LMBRD1: variants seen among roughly 807,000 people sequenced by gnomAD.
LMBRD1 encodes lysosomal cobalamin transport escort protein LMBD1.
Under a neutral mutation model 74.8 loss-of-function variants are expected in LMBRD1, and 64 were observed. That is an observed-to-expected ratio of 0.86 (90% confidence interval 0.70 to 1.05). The LOEUF (loss-of-function observed/expected upper bound fraction) is 1.05. LMBRD1 is among the 50% of genes least tolerant of loss of function. The pLI, the probability that LMBRD1 is intolerant of heterozygous loss-of-function variation, is 0.00. For synonymous variants in LMBRD1, 204 were observed against 216.3 expected, an observed-to-expected ratio of 0.94 and a Z score of 0.50; for missense variants, 652 against 645.9, an observed-to-expected ratio of 1.01 and a Z score of -0.10.
intron 5 of LMBRD1, among the ~76,000 whole-genome samples, chr6:69,748,110 A>C (rs549740443): frequency 1.3e-5 from 2 of 152,322 alleles, no homozygotes; most frequent in East Asian, 3.9e-4. Context: ...TGTGTTTATA[A>C]ATAAAGTTTT....
chr6:69,765,717 AT>A (rs1252720885), intron 3 of LMBRD1, among the ~76,000 whole-genome samples: 1 of 152,188 alleles, frequency 6.6e-6, no homozygotes, highest in Non-Finnish European at 1.5e-5. Flanking sequence ...GAAAACTGAC[AT>A]AATTGCATCT....
chr6:69,719,882 CT>C (rs1471310395), intron 7 of LMBRD1, among the ~76,000 whole-genome samples: 2 of 152,084 alleles, frequency 1.3e-5, no homozygotes, highest in East Asian at 1.9e-4. Flanking sequence ...CCCGTGCCCC[CT>C]GTTAGATGGG....
intron 9 of LMBRD1, among the ~76,000 whole-genome samples, chr6:69,711,118 G>A (rs1263004249): frequency 1.3e-5 from 2 of 151,968 alleles, no homozygotes; most frequent in East Asian, 3.9e-4. Context: ...TAATACCACC[G>A]AACAATAAAA....
intron 2 of LMBRD1, among the ~76,000 whole-genome samples, chr6:69,789,266 G>A (rs950885693): frequency 5.3e-5 from 8 of 152,142 alleles, no homozygotes; most frequent in African/African-American, 1.9e-4. Context: ...GCTCATGCCT[G>A]CAATCCCAGC....
At chr6:69,777,931 T>C (rs1048705449) in intron 3 of LMBRD1, among the ~76,000 whole-genome samples, 2 of 152,232 alleles carry the variant, frequency 1.3e-5, no homozygotes, top group African/African-American at 4.8e-5. Flanking sequence ...GGCAGTTAGA[T>C]AGTATCTAGC....
chr6:69,713,574 T>C, intron 9 of LMBRD1, 71 bp downstream of exon 9: 2 of 1,487,268 alleles, frequency 1.3e-6, no homozygotes. Context: ...AAAGGAGAGC[T>C]CAATCTCTCC....
intron 14 of LMBRD1, among the ~76,000 whole-genome samples, chr6:69,682,860 G>T (rs1052756879): frequency 6.6e-6 from 1 of 151,948 alleles, no homozygotes; most frequent in Admixed American, 6.6e-5. Context: ...ATACAGATAT[G>T]TGTGGTATAT....
rs192650714 is a variant in LMBRD1 at position 69,792,843 on chromosome 6, T to G, written c.70-2371A>C. Reference sequence around the variant, plus strand: ...TAGGTATTACTGCAAACAAAGGATTTTGCCAATATCAGGCAGACAAGCTAG... The same window carrying G: ...TAGGTATTACTGCAAACAAAGGATTGTGCCAATATCAGGCAGACAAGCTAG... On this transcript the variant is annotated intron_variant, in intron 1 of 15. Transcript: ENST00000649934. 5.3e-5 allele frequency among the ~76,000 whole-genome samples: 8 copies of G among 152,316 alleles called. No homozygotes were observed. The East Asian group carries it at 1.5e-3, about 29-fold the overall frequency.
intron 7 of LMBRD1, among the ~76,000 whole-genome samples, chr6:69,720,268 T>C (rs1363317049): frequency 6.6e-6 from 1 of 152,200 alleles, no homozygotes; most frequent in East Asian, 1.9e-4. Context: ...CTACAGTACG[T>C]TGTATTTAGA....
chr6:69,727,206 A>G (rs529549032), intron 7 of LMBRD1, among the ~76,000 whole-genome samples: 1 of 152,316 alleles, frequency 6.6e-6, no homozygotes, highest in African/African-American at 2.4e-5. Context: ...ATATAATTGG[A>G]CTGTTTGTAA....
intron 6 of LMBRD1, 147 bp from the exon 7 acceptor site, chr6:69,738,162 C>A: frequency 5.3e-6 from 3 of 561,708 alleles, no homozygotes; most frequent in Non-Finnish European, 9.5e-6. Flanking sequence ...AGTGCTAACT[C>A]CAAGTGGAGA....
In LMBRD1 at chr6:69,738,012, C is replaced by T. The variant is rs771127012; in HGVS notation, c.566G>A (p.Gly189Asp). ...GATAGAAAATGACAATGCAGCTAAACCATCTGTGAAGAAAGAAAAACTGTT... is the reference window on the plus strand; with the variant it reads ...GATAGAAAATGACAATGCAGCTAAATCATCTGTGAAGAAAGAAAAACTGTT... The part of the protein sequence containing the change: ...SLFEELGSSH[G>D]LAALSFSISS... The change falls in exon 7 of 16, where the codon GGT (glycine) becomes GAT (aspartate). Residue 189 changes from glycine (G) to aspartate (D), a missense_variant. Gly to Asp is a moderately conservative substitution (Grantham distance 94, BLOSUM62 -1). Coordinates refer to ENST00000649934, the MANE Select transcript of LMBRD1 (RefSeq NM_018368.4). 1.9e-6 allele frequency: 3 copies of T among 1,606,886 alleles called. No individual in the cohort carries two copies. The highest frequency in any genetic ancestry group is 3.3e-5 in the Admixed American group (2 of 59,736).
intron 7 of LMBRD1, among the ~76,000 whole-genome samples, chr6:69,723,091 T>C (rs779419019): frequency 6.6e-6 from 1 of 152,136 alleles, no homozygotes; most frequent in Non-Finnish European, 1.5e-5. Flanking sequence ...AAGAAGATCA[T>C]TATATAGTGA....
At chr6:69,728,676 T>C (rs1281783185) in intron 7 of LMBRD1, among the ~76,000 whole-genome samples, 3 of 152,226 alleles carry the variant, frequency 2.0e-5, no homozygotes, top group Non-Finnish European at 4.4e-5. Flanking sequence ...TATCCTAAAC[T>C]GGTCTGCTGG....
intron 12 of LMBRD1, 43 bp downstream of exon 12, chr6:69,700,722 C>A (rs1272156314): frequency 3.9e-6 from 5 of 1,284,600 alleles, no homozygotes; most frequent in Non-Finnish European, 4.2e-6. Flanking sequence ...GGAGATCACA[C>A]ACAAAATGAT....
At chr6:69,757,404 C>T (rs1276136553) in intron 3 of LMBRD1, among the ~76,000 whole-genome samples, 1 of 152,202 alleles carries the variant, frequency 6.6e-6, no homozygotes, top group Non-Finnish European at 1.5e-5. Flanking sequence ...CAATTCTCAA[C>T]AGACTATAAT....
chr6:69,736,124 G>A (rs1410708521), intron 7 of LMBRD1, among the ~76,000 whole-genome samples: 1 of 151,892 alleles, frequency 6.6e-6, no homozygotes, highest in African/African-American at 2.4e-5. Flanking sequence ...TCTACCAATT[G>A]ACCACTGGGA....
intron 3 of LMBRD1, among the ~76,000 whole-genome samples, chr6:69,774,207 G>GT (rs1439492043): frequency 6.6e-6 from 1 of 152,182 alleles, no homozygotes; most frequent in Non-Finnish European, 1.5e-5. Context: ...ATAAAGGGGA[G>GT]TTCCCCTGCA....
chr6:69,717,118 T>C (rs948925102), intron 8 of LMBRD1, among the ~76,000 whole-genome samples: 9 of 152,194 alleles, frequency 5.9e-5, no homozygotes, highest in Non-Finnish European at 1.0e-4. Context: ...AGTTTGTGGC[T>C]ATTGTGAATG....
Sources: allele counts gnomAD v4.1 joint callset (sites outside exome capture counted in the v4.1 genomes callset), GRCh38; gene constraint gnomAD v4.1.1; transcripts MANE v1.5; gene names NCBI Gene and HGNC (gene_info 2026-07-23, HGNC 2026-07-21).